The following NHEJ1 variants were observed in gnomAD, a reference collection of about 807,000 sequenced individuals.
The protein encoded by NHEJ1 is non-homologous end-joining factor 1.
In NHEJ1, 22 loss-of-function variants were observed where a neutral mutation model predicts 39.4. The observed-to-expected ratio is 0.56, with a 90% CI of 0.40 to 0.80. The LOEUF (loss-of-function observed/expected upper bound fraction) is 0.80. Ranked by LOEUF, NHEJ1 falls within the 30% of genes least tolerant of loss-of-function variation. NHEJ1 has a pLI of 0.00. For synonymous variants in NHEJ1, 154 were observed against 135.6 expected (o/e 1.14, Z -0.94); for missense variants, 329 against 357.1 (o/e 0.92, Z 0.63).
Position 219,078,015 on chromosome 2 carries a change from C to G in NHEJ1, c.706+74G>C, listed in dbSNP as rs950895794. ...TAAATAGTTATATGTGGCTAGAAAACTATCATATTGGACAGCATAAACCTA... is the reference window on the plus strand; with the variant it reads ...TAAATAGTTATATGTGGCTAGAAAAGTATCATATTGGACAGCATAAACCTA... On this transcript the variant is annotated intron_variant, in intron 6 of 7. Transcript: ENST00000356853. 61 of 1,000,204 alleles carry G rather than the reference C, an allele frequency of 6.1e-5. No individual in the cohort carries two copies. In the African/African-American group the frequency reaches 8.5e-4, roughly 14 times the overall value. 62.0% of individuals were successfully genotyped at this position (1,000,204 alleles called of 1,614,324 possible).
At chr2:219,076,769 G>A (rs1949018088) in intron 7 of NHEJ1, among the ~76,000 whole-genome samples, 1 of 152,016 alleles carries the variant, frequency 6.6e-6, no homozygotes, top group Non-Finnish European at 1.5e-5. Context: ...TTAAACTCCT[G>A]GCTTCAAGTG....
intron 5 of NHEJ1, among the ~76,000 whole-genome samples, chr2:219,129,278 G>T (rs1455443632): frequency 3.3e-5 from 5 of 152,186 alleles, no homozygotes; most frequent in Non-Finnish European, 7.3e-5. Context: ...AGTTAGCTAG[G>T]AAGTTTAGAA....
In NHEJ1 at chr2:219,071,989, G is replaced by C. The variant is rs1948961375; in HGVS notation, c.*4392C>G. Among the ~76,000 whole-genome samples the C allele has an allele frequency of 6.6e-6, 1 of 152,166 alleles. No individual in the cohort carries two copies. Among genetic ancestry groups the C allele is most frequent in the Non-Finnish European group, 1.5e-5 (1 of 68,028 alleles). The stretch of plus-strand genomic sequence containing the variant: ...GATAGAGAACTGAGAGCCCAGAGCT[G>C]AGAGGATACATAAAAGGCCACCACA... On this transcript the variant is annotated 3_prime_UTR_variant, in exon 8 of 8. Coordinates refer to ENST00000356853, the MANE Select transcript of NHEJ1 (RefSeq NM_024782.3).
intron 5 of NHEJ1, among the ~76,000 whole-genome samples, chr2:219,136,810 C>T (rs903635264): frequency 7.9e-5 from 12 of 152,026 alleles, no homozygotes; most frequent in African/African-American, 2.4e-4. Flanking sequence ...GCCATGTTGG[C>T]CAGGCTGATC....
intron 5 of NHEJ1, among the ~76,000 whole-genome samples, chr2:219,081,278 C>T (rs1029406226): frequency 1.3e-5 from 2 of 152,108 alleles, no homozygotes; most frequent in Admixed American, 1.3e-4. Flanking sequence ...AACATTAGCT[C>T]CTGGGGCAGG....
chr2:219,148,067 C>A (rs1413953999), intron 3 of NHEJ1, among the ~76,000 whole-genome samples: 2 of 152,160 alleles, frequency 1.3e-5, no homozygotes, highest in African/African-American at 2.4e-5. Flanking sequence ...GACACAAGCA[C>A]GGCCAACATG....
intron 5 of NHEJ1, among the ~76,000 whole-genome samples, chr2:219,103,194 C>T (rs1330836436): frequency 6.7e-6 from 1 of 150,152 alleles, no homozygotes; most frequent in Non-Finnish European, 1.5e-5. Flanking sequence ...AAACTGAAAA[C>T]TGTTTTCAGA....
At position 219,072,182 on chromosome 2, in the gene NHEJ1, A is replaced by C. The variant is rs1195718288; in HGVS notation, c.*4199T>G. On this transcript the variant is annotated 3_prime_UTR_variant, in exon 8 of 8. Coordinates refer to ENST00000356853, the MANE Select transcript of NHEJ1 (RefSeq NM_024782.3). ...GTGAGATCTTCTGAGGCCTTGGCCA[A>C]GAACACAAGGAAAAAACATAGAGCA... 3.9e-5 allele frequency among the ~76,000 whole-genome samples: 6 copies of C among 152,248 alleles called. No individual in the cohort carries two copies. The highest frequency in any genetic ancestry group is 5.9e-5 in the Non-Finnish European group (4 of 68,040).
At chr2:219,088,469 G>A (rs1949131626) in intron 5 of NHEJ1, among the ~76,000 whole-genome samples, 1 of 151,624 alleles carries the variant, frequency 6.6e-6, no homozygotes, top group East Asian at 1.9e-4. Flanking sequence ...AGCCAGCCTG[G>A]GCAACAGAGT....
intron 5 of NHEJ1, 61 bp downstream of exon 5, chr2:219,146,619 C>T (rs1949743415): frequency 7.3e-7 from 1 of 1,367,726 alleles, no homozygotes; most frequent in Admixed American, 1.7e-5. Context: ...CAAATGGCCA[C>T]TCAGGCACCT....
At chr2:219,104,686 A>C (rs1197254519) in intron 5 of NHEJ1, among the ~76,000 whole-genome samples, 1 of 151,756 alleles carries the variant, frequency 6.6e-6, no homozygotes, top group East Asian at 1.9e-4. Context: ...ACTTCGCAGT[A>C]ATCTTCCAAA....
chr2:219,137,281 C>G (rs576985084), intron 5 of NHEJ1, among the ~76,000 whole-genome samples: 1 of 152,040 alleles, frequency 6.6e-6, no homozygotes, highest in African/African-American at 2.4e-5. Context: ...TATATGCCCA[C>G]GGTTAAACCG....
At chr2:219,077,867 T>C (rs987120100) in intron 6 of NHEJ1, among the ~76,000 whole-genome samples, 1 of 152,228 alleles carries the variant, frequency 6.6e-6, no homozygotes, top group African/African-American at 2.4e-5. Flanking sequence ...ATGATGGAAA[T>C]GTTCTGTGTC....
chr2:219,074,541 C>T lies in NHEJ1; in HGVS notation c.*1840G>A, dbSNP rs1328248019. Reference sequence around the variant, plus strand: ...GGTAGATCACCTGAGGTCAGGAGTTCGAGACCAGCCTAGCCAACATGGTGA... The same window carrying T: ...GGTAGATCACCTGAGGTCAGGAGTTTGAGACCAGCCTAGCCAACATGGTGA... On this transcript the variant is annotated 3_prime_UTR_variant, in exon 8 of 8. Coordinates refer to ENST00000356853, the MANE Select transcript of NHEJ1 (RefSeq NM_024782.3). 2.0e-5 allele frequency among the ~76,000 whole-genome samples: 3 copies of T among 151,996 alleles called. No individual in the cohort carries two copies. Among genetic ancestry groups the T allele is most frequent in the Non-Finnish European group, 4.4e-5 (3 of 68,014 alleles).
intron 5 of NHEJ1, among the ~76,000 whole-genome samples, chr2:219,133,335 A>T (rs1444782827): frequency 6.6e-6 from 1 of 152,246 alleles, no homozygotes; most frequent in African/African-American, 2.4e-5. Flanking sequence ...CAGTTGTTTG[A>T]TACTTTCTTT....
chr2:219,101,992 G>A (rs553591496), intron 5 of NHEJ1, among the ~76,000 whole-genome samples: 26 of 152,094 alleles, frequency 1.7e-4, no homozygotes, highest in Non-Finnish European at 2.6e-4. Flanking sequence ...CCAAAGTGCT[G>A]GAATTACAGG....
chr2:219,114,549 C>T (rs1949393599), intron 5 of NHEJ1, among the ~76,000 whole-genome samples: 1 of 152,160 alleles, frequency 6.6e-6, no homozygotes, highest in Non-Finnish European at 1.5e-5. Context: ...AATGCTTACA[C>T]AGGCCTAAGA....
In NHEJ1 at chr2:219,076,202, G is replaced by C; in HGVS notation, c.*179C>G. On this transcript the variant is annotated 3_prime_UTR_variant, in exon 8 of 8. Transcript: ENST00000356853. ...GATTCTCAGAGACTGGCTTCCACTT[G>C]AACAGGGAAGGCCAATTCCCTGTGG... 7.3e-7 allele frequency: 1 copy of C among 1,376,690 alleles called. No individual in the cohort carries two copies. Among genetic ancestry groups the C allele is most frequent in the Admixed American group, 2.3e-5 (1 of 43,434 alleles). 85.3% of individuals were successfully genotyped at this position (1,376,690 alleles called of 1,614,324 possible).
chr2:219,070,165 C>T lies in NHEJ1; in HGVS notation c.*6216G>A, dbSNP rs902095040. Reference sequence around the variant, plus strand: ...CCTCCGGAGTACCTGGGACTACAGGCGCACATCACCACACTAATTTTTTTT... The same window carrying T: ...CCTCCGGAGTACCTGGGACTACAGGTGCACATCACCACACTAATTTTTTTT... On this transcript the variant is annotated 3_prime_UTR_variant, in exon 8 of 8. Transcript: ENST00000356853. Among the ~76,000 whole-genome samples, 2 of 152,108 alleles carry T rather than the reference C, an allele frequency of 1.3e-5. No homozygotes were observed. Among genetic ancestry groups the T allele is most frequent in the Non-Finnish European group, 2.9e-5 (2 of 67,998 alleles).
Sources: allele counts gnomAD v4.1 joint callset (sites outside exome capture counted in the v4.1 genomes callset), GRCh38; gene constraint gnomAD v4.1.1; transcripts MANE v1.5; gene names NCBI Gene and HGNC (gene_info 2026-07-23, HGNC 2026-07-21).